Variants in RGS9 observed in about 807,000 individuals in gnomAD.
RGS9 encodes the protein regulator of G-protein signalling 9.
In RGS9, 78 loss-of-function variants were observed where a neutral mutation model predicts 102.0. That is an observed-to-expected ratio of 0.76 (90% CI 0.64 to 0.92). The LOEUF (loss-of-function observed/expected upper bound fraction) is 0.92. Among genes scored for constraint, RGS9 ranks in the 40% least tolerant of loss-of-function variants. The pLI is 0.00. For synonymous variants in RGS9, 353 were observed against 318.6 expected, an observed-to-expected ratio of 1.11 and a Z score of -1.15; for missense variants, 833 against 866.1, an observed-to-expected ratio of 0.96 and a Z score of 0.48.
At chr17:65,183,690 C>T (rs1911988291) in intron 9 of RGS9, among the ~76,000 whole-genome samples, 1 of 152,152 alleles carries the variant, frequency 6.6e-6, no homozygotes, top group African/African-American at 2.4e-5. Flanking sequence ...CCAGTGCTGC[C>T]CGATTCCTCA....
chr17:65,147,828 T>C (rs1323891972), intron 1 of RGS9, among the ~76,000 whole-genome samples: 1 of 152,074 alleles, frequency 6.6e-6, no homozygotes, highest in Non-Finnish European at 1.5e-5. Flanking sequence ...TGCCATCAAA[T>C]GATCTGTCTG....
chr17:65,166,194 G>C (rs531752922), intron 7 of RGS9, among the ~76,000 whole-genome samples: 36 of 152,294 alleles, frequency 2.4e-4, no homozygotes, highest in African/African-American at 8.7e-4. Context: ...TTATGGCCTG[G>C]CCTCAGAAAT....
rs3838367 is a variant in RGS9 at position 65,202,444 on chromosome 17, T to TGTGTGTGTGTGA, written c.1064+365_1064+366insTGTGTGTGTGAG. ...GTGTGTGTGTGTGTGTGTGTGTGTG[T>TGTGTGTGTGTGA]GAGAGAGAGAGAGAGAGAGAGAGTG... On this transcript the variant is annotated intron_variant, in intron 14 of 18. Coordinates refer to ENST00000262406, the MANE Select transcript of RGS9 (RefSeq NM_003835.4). 2.4e-3 allele frequency among the ~76,000 whole-genome samples: 318 copies of TGTGTGTGTGTGA among 131,766 alleles called. 3 individuals are homozygous for TGTGTGTGTGTGA. The highest frequency in any genetic ancestry group is 9.1e-3 in the African/African-American group (297 of 32,530). The allele number at this position is 131,766 out of a possible 152,430, so 86.4% of individuals were successfully genotyped here.
rs377303218 is a variant in RGS9 at position 65,225,418 on chromosome 17, C to T, written c.1824C>T (p.His608=). The T allele has an allele frequency of 5.0e-5, 81 of 1,610,366 alleles. No individual in the cohort carries two copies. Among genetic ancestry groups the T allele is most frequent in the African/African-American group, 1.6e-4 (12 of 75,074 alleles). Residue 608 remains histidine, a synonymous_variant, in exon 18 of 19, where the codon CAC becomes CAT. Transcript: ENST00000262406. ...RLSPKCPAVS[H]GRVQPLGDVG... ...CACCCAAGTGCCCTGCTGTGTCCCA[C>T]GGGAGGGTGCAGCCCCTGGGGGACG...
At chr17:65,211,705 G>A (rs1209145352) in intron 17 of RGS9, among the ~76,000 whole-genome samples, 2 of 152,224 alleles carry the variant, frequency 1.3e-5, no homozygotes, top group Non-Finnish European at 2.9e-5. Context: ...AAGTGAGCAA[G>A]AGACCAGCCT....
intron 17 of RGS9, among the ~76,000 whole-genome samples, chr17:65,223,850 A>G (rs1422074146): frequency 4.6e-5 from 7 of 151,200 alleles, no homozygotes. Flanking sequence ...TCCCGGGTTC[A>G]AGTGATCCTC....
chr17:65,181,636 G>A (rs563215521), intron 9 of RGS9, among the ~76,000 whole-genome samples: 4 of 152,326 alleles, frequency 2.6e-5, no homozygotes, highest in Admixed American at 2.0e-4. Context: ...TGGGGGCAGG[G>A]GCCGCTCATG....
At position 65,190,202 on chromosome 17, in the gene RGS9, A is replaced by G. The variant is rs1316713291; in HGVS notation, c.712A>G (p.Arg238Gly). ...EIMYYQQALM[R>G]STVKSSVSLG... ...CATGTATTACCAACAGGCCTTGATG[A>G]GGTCCACAGTGAAGTCTTCTGTGTC... Residue 238 changes from arginine (R) to glycine (G), a missense_variant, in exon 11 of 19, where the codon AGG becomes GGG. Arg to Gly is a moderately radical substitution (Grantham distance 125). Coordinates refer to ENST00000262406, the MANE Select transcript of RGS9 (RefSeq NM_003835.4). 6.2e-7 allele frequency: 1 copy of G among 1,613,718 alleles called. No individual in the cohort carries two copies. The highest frequency in any genetic ancestry group is 1.3e-5 in the African/African-American group (1 of 74,910).
chr17:65,213,741 C>T (rs142553098), intron 17 of RGS9, among the ~76,000 whole-genome samples: 4 of 152,188 alleles, frequency 2.6e-5, no homozygotes, highest in African/African-American at 9.6e-5. Context: ...CAGGCTCATA[C>T]GGGGACTCCT....
rs530823943 is a variant in RGS9 at position 65,162,175 on chromosome 17, C to T, written c.424-838C>T. On this transcript the variant is annotated intron_variant, in intron 6 of 18. Transcript: ENST00000262406. ...GGGAGGCCAAGATGGGAGGATCACT[C>T]GAGGCCAGGAGTTCAAGACCAGCCT... is the stretch of plus-strand genomic sequence containing the variant. Among the ~76,000 whole-genome samples, 66 of 152,006 alleles carry T rather than the reference C, an allele frequency of 4.3e-4. 1 individual carries two copies. The East Asian group carries it at 0.011, about 24-fold the overall frequency.
chr17:65,157,461 T>G (rs1195272764), intron 2 of RGS9, among the ~76,000 whole-genome samples: 2 of 151,904 alleles, frequency 1.3e-5, no homozygotes, highest in African/African-American at 4.8e-5. Flanking sequence ...GCCTTGACCC[T>G]TAGATAAATC....
intron 8 of RGS9, among the ~76,000 whole-genome samples, chr17:65,169,925 T>G (rs574931481): frequency 6.6e-6 from 1 of 152,064 alleles, no homozygotes; most frequent in Admixed American, 6.5e-5. Context: ...TTCCCCCACT[T>G]TCTCCACCAC....
At chr17:65,177,168 A>ATCCATCCATCCG in intron 8 of RGS9, among the ~76,000 whole-genome samples, 1 of 150,346 alleles carries the variant, frequency 6.7e-6, no homozygotes, top group Middle Eastern at 3.4e-3. Flanking sequence ...CCATCCATCC[A>ATCCATCCATCCG]TCCATCCACC....
rs374987095 is a variant in RGS9, at chr17:65,208,067, G to T, written c.1289+60G>T. 5 of 1,154,804 alleles carry T rather than the reference G, an allele frequency of 4.3e-6. No homozygotes were observed. The East Asian group carries it at 1.2e-4, about 27-fold the overall frequency. The allele number at this position is 1,154,804 out of a possible 1,614,324, so 71.5% of individuals were successfully genotyped here. ...CTGCTTAGTTTACAGAGAAGTGAGG[G>T]TCTCTTTCAGCCAAATGGCTATTAT... On this transcript the variant is annotated intron_variant, in intron 16 of 18. Transcript: ENST00000262406.
intron 1 of RGS9, among the ~76,000 whole-genome samples, chr17:65,153,166 T>C (rs1159556674): frequency 6.6e-6 from 1 of 152,208 alleles, no homozygotes; most frequent in East Asian, 1.9e-4. Context: ...CATCTTTCCT[T>C]AAAAGCCACC....
At chr17:65,142,660 G>A (rs1295462026) in intron 1 of RGS9, among the ~76,000 whole-genome samples, 5 of 151,190 alleles carry the variant, frequency 3.3e-5, no homozygotes, top group Admixed American at 3.3e-4. Flanking sequence ...TCGGCTAACG[G>A]TAACCTCTGC....
At chr17:65,142,561 T>A (rs549014641) in intron 1 of RGS9, among the ~76,000 whole-genome samples, 1 of 151,480 alleles carries the variant, frequency 6.6e-6, no homozygotes, top group South Asian at 2.1e-4. Context: ...CCACTGTTTT[T>A]CTCCCTTCCT....
intron 17 of RGS9, 81 bp from the exon 18 acceptor site, chr17:65,224,921 G>C: frequency 1.3e-6 from 2 of 1,584,234 alleles, no homozygotes; most frequent in Non-Finnish European, 8.6e-7. Context: ...AGGGGACTAA[G>C]TTAGCAGAGG....
chr17:65,151,966 C>T (rs1189543873), intron 1 of RGS9, among the ~76,000 whole-genome samples: 1 of 152,116 alleles, frequency 6.6e-6, no homozygotes, highest in Non-Finnish European at 1.5e-5. Context: ...AAAAAGACCC[C>T]CAGGAAGAGC....
Sources: gnomAD v4.1 joint callset for allele counts (sites outside exome capture counted in the v4.1 genomes callset) on GRCh38, gnomAD v4.1.1 for gene constraint, MANE v1.5 for transcripts, NCBI Gene and HGNC (gene_info 2026-07-23, HGNC 2026-07-21) for gene names.